Variants in CYTH4 observed in about 807,000 individuals in gnomAD.
CYTH4 encodes cytohesin 4.
CYTH4 carries 22 observed loss-of-function variants against 57.5 expected under a neutral mutation model. That is an observed-to-expected ratio of 0.38 (90% CI 0.27 to 0.55). The LOEUF (loss-of-function observed/expected upper bound fraction) is 0.55. Ranked by LOEUF, CYTH4 falls within the 20% of genes least tolerant of loss-of-function variation. The probability of loss-of-function intolerance (pLI) is 0.74; values close to 1 mark genes in which losing one functional copy is unlikely to be tolerated. For missense variants in CYTH4, 420 were observed against 535.6 expected, an observed-to-expected ratio of 0.78 and a Z score of 2.13; for synonymous variants, 186 against 206.5, an observed-to-expected ratio of 0.90 and a Z score of 0.85.
Position 37,286,454 on chromosome 22 carries a change from C to T in CYTH4, c.19+3866C>T, listed in dbSNP as rs565291634. Among the ~76,000 whole-genome samples the T allele has an allele frequency of 2.6e-5, 4 of 152,220 alleles. No homozygotes were observed. In the East Asian group the frequency reaches 7.7e-4, roughly 29 times the overall value. On this transcript the variant is annotated intron_variant, in intron 1 of 12. Coordinates refer to ENST00000248901, the MANE Select transcript of CYTH4 (RefSeq NM_013385.5). The stretch of plus-strand genomic sequence containing the variant: ...AGAGCCTGGATCACACAGGGCCTGG[C>T]GCACCATGGGTGCTCAGCCACCATG...
At chr22:37,296,182 C>A in intron 4 of CYTH4, 117 bp downstream of exon 4, 2 of 1,099,462 alleles carry the variant, frequency 1.8e-6, no homozygotes, top group Non-Finnish European at 2.6e-6. Context: ...GGAAGCTGTG[C>A]CCAGCAGAGC....
intron 7 of CYTH4, among the ~76,000 whole-genome samples, chr22:37,302,895 A>G (rs555159636): frequency 6.6e-6 from 1 of 152,240 alleles, no homozygotes; most frequent in African/African-American, 2.4e-5. Context: ...AGAGGCAGAG[A>G]ACAGAGTGGG....
At chr22:37,306,943 G>C (rs1007520527) in intron 8 of CYTH4, among the ~76,000 whole-genome samples, 4 of 152,242 alleles carry the variant, frequency 2.6e-5, no homozygotes, top group Admixed American at 6.5e-5. Context: ...CCAGATGTGA[G>C]TCATTCACCC....
At position 37,311,940 on chromosome 22, in the gene CYTH4, C is replaced by A; in HGVS notation, c.958-80C>A. 6.5e-7 allele frequency: 1 copy of A among 1,534,194 alleles called. No individual in the cohort carries two copies. Among genetic ancestry groups the A allele is most frequent in the Non-Finnish European group, 8.9e-7 (1 of 1,127,070 alleles). ...CTGTCACGCTGATCAGGGACACTAG[C>A]GTCTGGGCTTCTCTGAGCCTCCTGG... On this transcript the variant is annotated intron_variant, in intron 11 of 12. Transcript: ENST00000248901. This position sits in a 1 kb window ranked among gnomAD's most constrained non-coding sequence, Gnocchi z 4.4.
rs944773275 is a variant in CYTH4 at position 37,292,413 on chromosome 22, G to A, written c.20-208G>A. 1.1e-5 allele frequency: 6 copies of A among 560,312 alleles called. No individual in the cohort carries two copies. The Admixed American group carries it at 1.6e-4, about 15-fold the overall frequency. The allele number at this position is 560,312 out of a possible 1,614,324, so 34.7% of individuals were successfully genotyped here. On this transcript the variant is annotated intron_variant, in intron 1 of 12. Transcript: ENST00000248901. ...GATCCTTTTGGGGGTGTCTATCCAGGGGGGTGGGAGAAACAGGAAGCAGGG... is the reference window on the plus strand; with the variant it reads ...GATCCTTTTGGGGGTGTCTATCCAGAGGGGTGGGAGAAACAGGAAGCAGGG...
At chr22:37,309,147 C>CAGGCCT in intron 8 of CYTH4, 65 bp from the exon 9 acceptor site, 1 of 1,450,272 alleles carries the variant, frequency 6.9e-7, no homozygotes, top group Non-Finnish European at 9.6e-7. Flanking sequence ...CAGGCCAGGC[C>CAGGCCT]AGGCCTAGGC....
Position 37,299,165 on chromosome 22 carries a change from G to GGAGGTGGGTGCCAGCAAGTATC in CYTH4, c.354-60_354-39dup, listed in dbSNP as rs1929085283. 1.1e-5 allele frequency: 14 copies of GGAGGTGGGTGCCAGCAAGTATC among 1,322,786 alleles called. No homozygotes were observed. In the South Asian group the frequency reaches 1.6e-4, roughly 15 times the overall value. 81.9% of individuals were successfully genotyped at this position (1,322,786 alleles called of 1,614,324 possible). A position where few individuals can be genotyped will look rare whatever the true frequency, so the allele number is the denominator to read the frequency against. On this transcript the variant is annotated intron_variant, in intron 5 of 12. Coordinates refer to ENST00000248901, the MANE Select transcript of CYTH4 (RefSeq NM_013385.5). ...CCCTCCCCCACCTCAACCCCCTCCA[G>GGAGGTGGGTGCCAGCAAGTATC]GAGGTGGGTGCCAGCAAGTATCCAA...
At chr22:37,307,277 G>A (rs576942972) in intron 8 of CYTH4, among the ~76,000 whole-genome samples, 19 of 152,342 alleles carry the variant, frequency 1.2e-4, no homozygotes, top group Admixed American at 8.5e-4. Context: ...TACAGTGACC[G>A]CAGAAGCTGC....
intron 8 of CYTH4, among the ~76,000 whole-genome samples, chr22:37,308,405 T>C (rs1438997803): frequency 1.3e-5 from 2 of 151,756 alleles, no homozygotes; most frequent in African/African-American, 2.4e-5. Context: ...TGCATGCATG[T>C]ATAAGAGTGC....
chr22:37,313,595 G>A lies in CYTH4; in HGVS notation c.*84G>A, dbSNP rs1929732246. The A allele has an allele frequency of 1.6e-6, 2 of 1,244,464 alleles. No homozygotes were observed. The highest frequency in any genetic ancestry group is 2.4e-6 in the Non-Finnish European group (2 of 849,296). The allele number at this position is 1,244,464 out of a possible 1,614,324, so 77.1% of individuals were successfully genotyped here. ...CTGGAGACCCACCTCCCACCCCAGTGCACTCTTTTGGGCCACAGACATCAT... is the reference window on the plus strand; with the variant it reads ...CTGGAGACCCACCTCCCACCCCAGTACACTCTTTTGGGCCACAGACATCAT... On this transcript the variant is annotated 3_prime_UTR_variant, in exon 13 of 13. Transcript: ENST00000248901.
intron 1 of CYTH4, among the ~76,000 whole-genome samples, chr22:37,286,770 A>G (rs946035727): frequency 2.0e-5 from 3 of 152,104 alleles, no homozygotes; most frequent in African/African-American, 2.4e-5. Flanking sequence ...GGAGGGGCAC[A>G]GTGTGAGAGG....
At chr22:37,304,765 C>T (rs912988447) in intron 8 of CYTH4, among the ~76,000 whole-genome samples, 4 of 152,196 alleles carry the variant, frequency 2.6e-5, no homozygotes, top group African/African-American at 9.7e-5. Context: ...GGTCTACTCC[C>T]ATCTTCCCCG....
chr22:37,313,860 G>C lies in CYTH4; in HGVS notation c.*349G>C, dbSNP rs1034684318. The C allele has an allele frequency of 3.3e-6, 1 of 307,524 alleles. No individual in the cohort carries two copies. Among genetic ancestry groups the C allele is most frequent in the Non-Finnish European group, 6.1e-6 (1 of 164,058 alleles). 19.0% of individuals were successfully genotyped at this position (307,524 alleles called of 1,614,324 possible). A position where few individuals can be genotyped will look rare whatever the true frequency, so the allele number is the denominator to read the frequency against. ...CTTCGGTGTCCTCGGCTCTGAAGGCGCTCTCTGCACTTAGATGCTGTCAGC... is the reference window on the plus strand; with the variant it reads ...CTTCGGTGTCCTCGGCTCTGAAGGCCCTCTCTGCACTTAGATGCTGTCAGC... On this transcript the variant is annotated 3_prime_UTR_variant, in exon 13 of 13. Transcript: ENST00000248901.
chr22:37,283,285 G>A (rs1928430840), intron 1 of CYTH4, among the ~76,000 whole-genome samples: 1 of 152,194 alleles, frequency 6.6e-6, no homozygotes, highest in Non-Finnish European at 1.5e-5. Flanking sequence ...GAGAAAGGAG[G>A]CTGCAAAGAT....
At chr22:37,300,125 T>TA (rs1465141257) in intron 6 of CYTH4, 1 of 717,594 alleles carries the variant, frequency 1.4e-6, no homozygotes, top group Admixed American at 2.0e-5. Context: ...GAGTGCTTAG[T>TA]AAGTCTTGAT....
chr22:37,313,859 C>T lies in CYTH4; in HGVS notation c.*348C>T, dbSNP rs1162468722. 1.6e-5 allele frequency: 5 copies of T among 307,290 alleles called. No homozygotes were observed. Among genetic ancestry groups the T allele is most frequent in the Admixed American group, 4.6e-5 (1 of 21,524 alleles). The allele number at this position is 307,290 out of a possible 1,614,324, so 19.0% of individuals were successfully genotyped here. On this transcript the variant is annotated 3_prime_UTR_variant, in exon 13 of 13. Transcript: ENST00000248901. ...ACTTCGGTGTCCTCGGCTCTGAAGG[C>T]GCTCTCTGCACTTAGATGCTGTCAG...
Position 37,312,125 on chromosome 22 carries a change from A to G in CYTH4, c.1063A>G (p.Ile355Val). 1 of 1,614,238 alleles carries G rather than the reference A, an allele frequency of 6.2e-7. No homozygotes were observed. The highest frequency in any genetic ancestry group is 8.5e-7 in the Non-Finnish European group (1 of 1,180,032). The change falls in exon 12 of 13, where the codon ATC becomes GTC. Residue 355 changes from isoleucine to valine, a missense_variant. Ile to Val is a conservative substitution (Grantham distance 29). Coordinates refer to ENST00000248901, the MANE Select transcript of CYTH4 (RefSeq NM_013385.5). ...VVEGKHESYRISATSAEERDQ... is the reference protein window; with the variant it reads ...VVEGKHESYRVSATSAEERDQ... ...GGAGGGCAAGCACGAATCGTACCGC[A>G]TCTCAGCCACCAGTGCCGAGGAACG...
At chr22:37,290,576 G>A (rs1928714367) in intron 1 of CYTH4, among the ~76,000 whole-genome samples, 1 of 152,110 alleles carries the variant, frequency 6.6e-6, no homozygotes, top group Non-Finnish European at 1.5e-5. Flanking sequence ...CATGATCTGG[G>A]CTCCCTGCAA....
In CYTH4 at chr22:37,295,594, G is replaced by A. The variant is rs1409848419; in HGVS notation, c.168-405G>A. On this transcript the variant is annotated intron_variant, in intron 3 of 12. Coordinates refer to ENST00000248901, the MANE Select transcript of CYTH4 (RefSeq NM_013385.5). This position sits in a 1 kb window ranked among gnomAD's most constrained non-coding sequence, Gnocchi z 4.1. ...GTGGTGGTATCACCTCCATTTTATA[G>A]ATGAGGAACCTGAGGCCCAGAGAGA... is the stretch of plus-strand genomic sequence containing the variant. 6.6e-6 allele frequency among the ~76,000 whole-genome samples: 1 copy of A among 152,204 alleles called. No homozygotes were observed. The highest frequency in any genetic ancestry group is 6.5e-5 in the Admixed American group (1 of 15,286).
Sources: allele counts gnomAD v4.1 joint callset (sites outside exome capture counted in the v4.1 genomes callset), GRCh38; gene constraint gnomAD v4.1.1; non-coding constraint Gnocchi (gnomAD v3.1); transcripts MANE v1.5; gene names NCBI Gene and HGNC (gene_info 2026-07-23, HGNC 2026-07-21).